Variants in UNC5A observed in about 807,000 individuals in gnomAD.
The protein encoded by UNC5A is unc-5 netrin receptor A.
UNC5A carries 20 observed loss-of-function variants against 87.4 expected under a neutral mutation model. The ratio of observed to expected loss-of-function variants is 0.23; its 90% CI spans 0.16 to 0.33. UNC5A has a LOEUF of 0.33. Among genes scored for constraint, UNC5A ranks in the 10% least tolerant of loss-of-function variants. The pLI is 1.00. For synonymous variants in UNC5A, 438 were observed against 482.3 expected (o/e 0.91, Z 1.20); for missense variants, 844 against 1,133.4 (o/e 0.74, Z 3.67).
chr5:176,830,662 G>C (rs1257950100), intron 1 of UNC5A, among the ~76,000 whole-genome samples: 4 of 145,114 alleles, frequency 2.8e-5, no homozygotes, highest in Admixed American at 6.9e-5. Context: ...GTGTGTGTGT[G>C]CTGGTGTGTG....
intron 1 of UNC5A, among the ~76,000 whole-genome samples, chr5:176,853,847 G>T (rs898411241): frequency 2.0e-5 from 3 of 152,174 alleles, no homozygotes; most frequent in Non-Finnish European, 4.4e-5. Flanking sequence ...GGGCGACAGA[G>T]GATGGACAGA....
chr5:176,880,147 C>A lies in UNC5A; in HGVS notation c.*261C>A, dbSNP rs1349312862. 2.0e-6 allele frequency: 1 copy of A among 498,134 alleles called. No homozygotes were observed. Among genetic ancestry groups the A allele is most frequent in the African/African-American group, 1.9e-5 (1 of 51,744 alleles). 30.9% of individuals were successfully genotyped at this position (498,134 alleles called of 1,614,324 possible). A position where few individuals can be genotyped will look rare whatever the true frequency, so the allele number is the denominator to read the frequency against. The stretch of plus-strand genomic sequence containing the variant: ...ACAGTGCCTGGAGCCTGGGCCAGGC[C>A]CAGCCCATCTGTGTGTGTGTATGTG... On this transcript the variant is annotated 3_prime_UTR_variant, in exon 15 of 15. Coordinates refer to ENST00000329542, the MANE Select transcript of UNC5A (RefSeq NM_133369.3).
chr5:176,868,427 C>T, intron 3 of UNC5A, 134 bp from the exon 4 acceptor site: 1 of 1,434,432 alleles, frequency 7.0e-7, no homozygotes. Context: ...ACGGCCCAGC[C>T]ACCCCATGGC....
At chr5:176,873,031 A>C (rs1703257) in intron 6 of UNC5A, among the ~76,000 whole-genome samples, 12 of 56,132 alleles carry the variant, frequency 2.1e-4, no homozygotes, top group African/African-American at 5.0e-4. Flanking sequence ...ACACTCACCC[A>C]ACACCACAGC....
At chr5:176,876,207 G>A (rs1331947636) in intron 8 of UNC5A, among the ~76,000 whole-genome samples, 1 of 152,230 alleles carries the variant, frequency 6.6e-6, no homozygotes, top group Non-Finnish European at 1.5e-5. Flanking sequence ...GAGCCTTCCT[G>A]CGAGGATGTC....
chr5:176,840,819 T>A (rs867569999), intron 1 of UNC5A, among the ~76,000 whole-genome samples: 2 of 152,242 alleles, frequency 1.3e-5, no homozygotes, highest in Admixed American at 1.3e-4. Context: ...CCTGCCCCCA[T>A]GAGCCCACGC....
intron 1 of UNC5A, among the ~76,000 whole-genome samples, chr5:176,819,614 G>A (rs987063001): frequency 2.0e-5 from 3 of 152,180 alleles, no homozygotes; most frequent in Non-Finnish European, 2.9e-5. Context: ...ACGGGATAGG[G>A]GAGAAGAGCA....
chr5:176,843,660 T>C (rs1244878996), intron 1 of UNC5A, among the ~76,000 whole-genome samples: 1 of 152,252 alleles, frequency 6.6e-6, no homozygotes, highest in African/African-American at 2.4e-5. Context: ...TTATTATTAT[T>C]AGTGTGACCA....
intron 1 of UNC5A, among the ~76,000 whole-genome samples, chr5:176,843,871 C>G (rs1298661270): frequency 6.6e-6 from 1 of 152,262 alleles, no homozygotes. Flanking sequence ...GGCGTTCTGA[C>G]AGACGTGCGG....
chr5:176,833,689 C>T (rs868632766), intron 1 of UNC5A, among the ~76,000 whole-genome samples: 4 of 151,890 alleles, frequency 2.6e-5, no homozygotes, highest in African/African-American at 9.7e-5. Flanking sequence ...AGTCACACAG[C>T]CTCTTTTTTT....
In UNC5A at chr5:176,866,493, G is replaced by T. The variant is rs1757978768; in HGVS notation, c.293-1637G>T. On this transcript the variant is annotated intron_variant, in intron 2 of 14. Coordinates refer to ENST00000329542, the MANE Select transcript of UNC5A (RefSeq NM_133369.3). This position sits in a 1 kb window ranked among gnomAD's most constrained non-coding sequence, Gnocchi z 5.0. ...GCTGTTCTCCCAAGCTGAGCCGCCTGGGCCATGGGTGAGGCTCCTGAAGGA... is the reference window on the plus strand; with the variant it reads ...GCTGTTCTCCCAAGCTGAGCCGCCTTGGCCATGGGTGAGGCTCCTGAAGGA... Among the ~76,000 whole-genome samples the T allele has an allele frequency of 6.6e-6, 1 of 152,168 alleles. No individual in the cohort carries two copies. Among genetic ancestry groups the T allele is most frequent in the Non-Finnish European group, 1.5e-5 (1 of 68,028 alleles).
At chr5:176,812,801 G>T (rs1756494051) in intron 1 of UNC5A, among the ~76,000 whole-genome samples, 1 of 152,152 alleles carries the variant, frequency 6.6e-6, no homozygotes, top group South Asian at 2.1e-4. Context: ...TGAAGGCCAT[G>T]GGGTGGGGAG....
At chr5:176,813,014 G>C (rs1756503261) in intron 1 of UNC5A, among the ~76,000 whole-genome samples, 1 of 152,190 alleles carries the variant, frequency 6.6e-6, no homozygotes, top group South Asian at 2.1e-4. Flanking sequence ...GGGGCGCCGG[G>C]GGCCAGCGCG....
intron 1 of UNC5A, among the ~76,000 whole-genome samples, chr5:176,823,905 G>A (rs1349887872): frequency 6.6e-6 from 1 of 152,210 alleles, no homozygotes; most frequent in East Asian, 1.9e-4. Context: ...TTTAACTGCT[G>A]AAATACTTTC....
In UNC5A at chr5:176,865,798, C is replaced by T. The variant is rs1561663528; in HGVS notation, c.293-2332C>T. On this transcript the variant is annotated intron_variant, in intron 2 of 14. Transcript: ENST00000329542. The surrounding 1 kb of genome is among the most constrained non-coding windows in gnomAD (Gnocchi z 5.3). ...GTGGGGCTGGAGGTGGCCGGATGGA[C>T]ACCCAGGAGAGCACCTACTTCCCTC... is the stretch of plus-strand genomic sequence containing the variant. 2 of 397,976 alleles carry T rather than the reference C, an allele frequency of 5.0e-6. No homozygotes were observed. The highest frequency in any genetic ancestry group is 5.0e-6 in the Non-Finnish European group (1 of 198,946). The allele number at this position is 397,976 out of a possible 1,614,324, so 24.7% of individuals were successfully genotyped here.
chr5:176,843,616 C>T (rs145542063), intron 1 of UNC5A, among the ~76,000 whole-genome samples: 5 of 152,326 alleles, frequency 3.3e-5, no homozygotes, highest in East Asian at 3.9e-4. Flanking sequence ...AAAGCAGAGC[C>T]GGGGTGTAGT....
chr5:176,874,271 C>A lies in UNC5A; in HGVS notation c.1083C>A (p.Pro361=). 1 of 1,588,102 alleles carries A rather than the reference C, an allele frequency of 6.3e-7. No individual in the cohort carries two copies. Among genetic ancestry groups the A allele is most frequent in the Non-Finnish European group, 8.6e-7 (1 of 1,165,534 alleles). The change falls in exon 8 of 15, where the codon CCC becomes CCA. Residue 361 remains proline, a synonymous_variant. Coordinates refer to ENST00000329542, the MANE Select transcript of UNC5A (RefSeq NM_133369.3). The surrounding 1 kb of genome is among the most constrained non-coding windows in gnomAD (Gnocchi z 7.6). The part of the protein sequence containing the change: ...VSIKPSKADN[P]HLLTIQPDLS... ...TCTGTCTTTATCCTGCAGACAACCC[C>A]CATCTGCTCACCATCCAGCCGGACC... is the stretch of plus-strand genomic sequence containing the variant.
intron 1 of UNC5A, among the ~76,000 whole-genome samples, chr5:176,820,526 G>A (rs761480303): frequency 5.3e-5 from 8 of 152,122 alleles, no homozygotes; most frequent in Non-Finnish European, 1.0e-4. Flanking sequence ...TATGTTATCC[G>A]GTGCCTGGCT....
At position 176,873,975 on chromosome 5, in the gene UNC5A, T is replaced by C; in HGVS notation, c.894T>C (p.Ser298=). Reference sequence around the variant, plus strand: ...CCATGCTGTCTCCCGCAGCTGCTTCTGGCCCTGAGGACGTGGCCCTCTATG... The same window carrying C: ...CCATGCTGTCTCCCGCAGCTGCTTCCGGCCCTGAGGACGTGGCCCTCTATG... ...CTSDLCVHTA[S]GPEDVALYVG... is the part of the protein sequence containing the mutation. Residue 298 remains serine (S), a synonymous_variant, in exon 7 of 15, where the codon TCT becomes TCC. Coordinates refer to ENST00000329542, the MANE Select transcript of UNC5A (RefSeq NM_133369.3). 1 of 1,613,192 alleles carries C rather than the reference T, an allele frequency of 6.2e-7. No individual in the cohort carries two copies. The highest frequency in any genetic ancestry group is 8.5e-7 in the Non-Finnish European group (1 of 1,179,636).
Sources: gnomAD v4.1 joint callset for allele counts (sites outside exome capture counted in the v4.1 genomes callset) on GRCh38, gnomAD v4.1.1 for gene constraint, Gnocchi (gnomAD v3.1) non-coding constraint, MANE v1.5 for transcripts, NCBI Gene and HGNC (gene_info 2026-07-23, HGNC 2026-07-21) for gene names.